The following CD302 variants were observed in gnomAD, a reference collection of about 807,000 sequenced individuals.
CD302 encodes CD302 molecule.
Under a neutral mutation model 26.5 loss-of-function variants are expected in CD302, and 23 were observed. The observed-to-expected ratio is 0.87, with a 90% CI of 0.62 to 1.23. The LOEUF is 1.23. Among genes scored for constraint, CD302 ranks in the 50% most tolerant of loss-of-function variants. CD302 has a pLI of 0.00. For synonymous variants in CD302, 90 were observed against 99.4 expected, an observed-to-expected ratio of 0.91 and a Z score of 0.56; for missense variants, 290 against 275.5, an observed-to-expected ratio of 1.05 and a Z score of -0.37.
rs1323450612 is a variant in CD302, at chr2:159,770,723, TCAG to T, written c.*1125_*1127del. 1 of 152,156 alleles carries T rather than the reference TCAG, an allele frequency of 6.6e-6. No individual in the cohort carries two copies. The highest frequency in any genetic ancestry group is 2.4e-5 in the African/African-American group (1 of 41,430). 9.4% of individuals were successfully genotyped at this position (152,156 alleles called of 1,614,324 possible). A position where few individuals can be genotyped will look rare whatever the true frequency, so the allele number is the denominator to read the frequency against. ...ATTGTGTTACAATTGTCTGCAGTATTCAGCACAGTAACATGCTGTGTAGGTTTG... is the reference window on the plus strand; with the variant it reads ...ATTGTGTTACAATTGTCTGCAGTATTCACAGTAACATGCTGTGTAGGTTTG... On this transcript the variant is annotated 3_prime_UTR_variant, in exon 6 of 6. Coordinates refer to ENST00000259053, the MANE Select transcript of CD302 (RefSeq NM_014880.5).
chr2:159,797,234 A>C, intron 1 of CD302, among the ~76,000 whole-genome samples: 2 of 140,626 alleles, frequency 1.4e-5, no homozygotes, highest in South Asian at 2.5e-4. Flanking sequence ...GGGGGGGGGA[A>C]TCTCTTGCAT....
At chr2:159,779,244 A>AAC (rs1429477948) in intron 4 of CD302, among the ~76,000 whole-genome samples, 47 of 151,292 alleles carry the variant, frequency 3.1e-4, no homozygotes, top group African/African-American at 1.0e-3. Flanking sequence ...AAAAAAAAAA[A>AAC]AAAAAAAAAA....
intron 1 of CD302, among the ~76,000 whole-genome samples, chr2:159,792,743 AT>A (rs898816129): frequency 4.0e-4 from 60 of 151,888 alleles, no homozygotes; most frequent in African/African-American, 1.3e-3. Flanking sequence ...CCAAAAAAAA[AT>A]TTTTTTTTAA....
In CD302 at chr2:159,769,925, A is replaced by G. The variant is rs767462472; in HGVS notation, c.*1926T>C. On this transcript the variant is annotated 3_prime_UTR_variant, in exon 6 of 6. Transcript: ENST00000259053. Reference sequence around the variant, plus strand: ...CCACCTGTGATTTGAACACTTGACAATGTGGCTAATGTAATTCGAAAACTG... The same window carrying G: ...CCACCTGTGATTTGAACACTTGACAGTGTGGCTAATGTAATTCGAAAACTG... The G allele has an allele frequency of 3.9e-5, 6 of 152,204 alleles. No individual in the cohort carries two copies. Among genetic ancestry groups the G allele is most frequent in the Admixed American group, 1.3e-4 (2 of 15,276 alleles). The allele number at this position is 152,204 out of a possible 1,614,324, so 9.4% of individuals were successfully genotyped here. A position where few individuals can be genotyped will look rare whatever the true frequency, so the allele number is the denominator to read the frequency against.
intron 1 of CD302, among the ~76,000 whole-genome samples, chr2:159,787,553 A>G (rs988986037): frequency 3.3e-5 from 5 of 152,210 alleles, no homozygotes; most frequent in Non-Finnish European, 5.9e-5. Context: ...CAAATAAATC[A>G]GTACTTTTAC....
Position 159,771,217 on chromosome 2 carries a change from C to G in CD302, c.*634G>C, listed in dbSNP as rs1156979772. 1 of 152,220 alleles carries G rather than the reference C, an allele frequency of 6.6e-6. No individual in the cohort carries two copies. Among genetic ancestry groups the G allele is most frequent in the African/African-American group, 2.4e-5 (1 of 41,414 alleles). The allele number at this position is 152,220 out of a possible 1,614,324, so 9.4% of individuals were successfully genotyped here. A position where few individuals can be genotyped will look rare whatever the true frequency, so the allele number is the denominator to read the frequency against. ...ATGTAAGTGTTAACCTAATTGCCAG[C>G]TTTCTCTATGCCATCCTGGACACAG... On this transcript the variant is annotated 3_prime_UTR_variant, in exon 6 of 6. Transcript: ENST00000259053.
rs540079585 is a variant in CD302 at position 159,771,145 on chromosome 2, C to T, written c.*706G>A. Reference sequence around the variant, plus strand: ...GATACATCTTGTATAGGGGAAAGTACAAAAGGTATGGTGGCAAGAGAGAAA... The same window carrying T: ...GATACATCTTGTATAGGGGAAAGTATAAAAGGTATGGTGGCAAGAGAGAAA... On this transcript the variant is annotated 3_prime_UTR_variant, in exon 6 of 6. Transcript: ENST00000259053. 6.6e-6 allele frequency: 1 copy of T among 152,032 alleles called. No individual in the cohort carries two copies. The highest frequency in any genetic ancestry group is 1.5e-5 in the Non-Finnish European group (1 of 67,992). The allele number at this position is 152,032 out of a possible 1,614,324, so 9.4% of individuals were successfully genotyped here.
chr2:159,785,691 T>C (rs1708647603), intron 1 of CD302, among the ~76,000 whole-genome samples: 1 of 152,212 alleles, frequency 6.6e-6, no homozygotes, highest in Non-Finnish European at 1.5e-5. Context: ...ATCTGGCCTT[T>C]ATTCAGAGAA....
intron 1 of CD302, among the ~76,000 whole-genome samples, chr2:159,786,616 G>A (rs10084194): frequency 0.28 from 42,654 of 152,068 alleles, 6,771 homozygotes; most frequent in South Asian, 0.44. Context: ...TTACAGGCAT[G>A]AGCCACTGCG....
At chr2:159,794,730 A>G (rs1708904320) in intron 1 of CD302, among the ~76,000 whole-genome samples, 1 of 150,650 alleles carries the variant, frequency 6.6e-6, no homozygotes, top group Non-Finnish European at 1.5e-5. Context: ...TTGTATTTTT[A>G]GTAGAGACAG....
intron 5 of CD302, among the ~76,000 whole-genome samples, chr2:159,775,895 T>C (rs1708301303): frequency 1.3e-5 from 2 of 151,650 alleles, no homozygotes; most frequent in African/African-American, 2.4e-5. Context: ...ATTTTTCTTT[T>C]TTTTTTGTGG....
chr2:159,783,324 G>C, intron 2 of CD302, 35 bp downstream of exon 2: 1 of 1,509,732 alleles, frequency 6.6e-7, no homozygotes, highest in Non-Finnish European at 8.9e-7. Flanking sequence ...TCACTAATTT[G>C]TGAAAAAACA....
At chr2:159,794,306 A>AATAAT (rs1553795837) in intron 1 of CD302, among the ~76,000 whole-genome samples, 17 of 8,952 alleles carry the variant, frequency 1.9e-3, no homozygotes, top group South Asian at 6.9e-3. Context: ...ATAAAATAAT[A>AATAAT]AAAAAAAAAA....
intron 4 of CD302, 139 bp downstream of exon 4, chr2:159,779,866 A>G (rs2125800244): frequency 1.0e-6 from 1 of 994,478 alleles, no homozygotes; most frequent in Non-Finnish European, 1.4e-6. Flanking sequence ...GTTTACCATA[A>G]TGCTGGGATT....
At chr2:159,772,107 A>G in intron 5 of CD302, 54 bp from the exon 6 acceptor site, 3 of 1,569,350 alleles carry the variant, frequency 1.9e-6, no homozygotes, top group East Asian at 4.6e-5. Flanking sequence ...ACAAGTTGCA[A>G]GTATATTTTG....
At chr2:159,790,376 A>G (rs906621089) in intron 1 of CD302, among the ~76,000 whole-genome samples, 3 of 152,064 alleles carry the variant, frequency 2.0e-5, no homozygotes, top group African/African-American at 7.2e-5. Flanking sequence ...AAAAGGAAAA[A>G]GAAAAAAAAA....
intron 1 of CD302, among the ~76,000 whole-genome samples, chr2:159,793,394 T>C (rs887374277): frequency 5.9e-5 from 9 of 151,932 alleles, no homozygotes; most frequent in African/African-American, 2.2e-4. Flanking sequence ...AATAGAACTC[T>C]CTGTTCCTTT....
chr2:159,781,706 T>C (rs1418983531), intron 2 of CD302, among the ~76,000 whole-genome samples: 3 of 152,224 alleles, frequency 2.0e-5, no homozygotes, highest in Non-Finnish European at 2.9e-5. Context: ...ATTGCTATTA[T>C]TTTATTTCAA....
chr2:159,795,880 C>T (rs983534617), intron 1 of CD302, among the ~76,000 whole-genome samples: 1 of 152,230 alleles, frequency 6.6e-6, no homozygotes, highest in Non-Finnish European at 1.5e-5. Context: ...TTACTCGGAA[C>T]ATGCTTGTTC....
Sources: allele counts gnomAD v4.1 joint callset (sites outside exome capture counted in the v4.1 genomes callset), GRCh38; gene constraint gnomAD v4.1.1; transcripts MANE v1.5; gene names NCBI Gene and HGNC (gene_info 2026-07-23, HGNC 2026-07-21).